The following GALNT11 variants were observed in gnomAD, a reference collection of about 807,000 sequenced individuals.
GALNT11 encodes the protein UDP-GalNAc:polypeptide N-acetylgalactosaminyltransferase 11.
In GALNT11, 47 loss-of-function variants were observed where a neutral mutation model predicts 72.7. The observed-to-expected ratio is 0.65, with a 90% CI of 0.51 to 0.82. The LOEUF (loss-of-function observed/expected upper bound fraction) is 0.82, where lower values mean the gene tolerates loss of function less well. Among genes scored for constraint, GALNT11 ranks in the 40% least tolerant of loss-of-function variants. The pLI is 0.00. For synonymous variants in GALNT11, 270 were observed against 286.6 expected, an observed-to-expected ratio of 0.94 and a Z score of 0.58; for missense variants, 677 against 778.4, an observed-to-expected ratio of 0.87 and a Z score of 1.55.
chr7:152,103,031 C>A, intron 3 of GALNT11, 81 bp from the exon 4 acceptor site: 1 of 1,275,266 alleles, frequency 7.8e-7, no homozygotes, highest in Non-Finnish European at 1.1e-6. Context: ...AACAAGGGGA[C>A]AGTAAATCTG....
intron 1 of GALNT11, among the ~76,000 whole-genome samples, chr7:152,026,662 T>G (rs544264905): frequency 6.6e-6 from 1 of 152,218 alleles, no homozygotes; most frequent in South Asian, 2.1e-4. Context: ...TGGCTATTCC[T>G]CTGCCTGCCC....
At chr7:152,055,187 C>T (rs1481522765) in intron 1 of GALNT11, among the ~76,000 whole-genome samples, 2 of 152,144 alleles carry the variant, frequency 1.3e-5, no homozygotes, top group African/African-American at 2.4e-5. Flanking sequence ...TCTTTAAAGA[C>T]TCTATCTGTA....
chr7:152,108,828 G>A (rs537316121), intron 6 of GALNT11, among the ~76,000 whole-genome samples: 5 of 151,976 alleles, frequency 3.3e-5, no homozygotes, highest in South Asian at 2.1e-4. Context: ...AATTTCTTAC[G>A]TAGATTGAAT....
chr7:152,100,560 A>T (rs2086795358), intron 2 of GALNT11, among the ~76,000 whole-genome samples: 1 of 151,260 alleles, frequency 6.6e-6, no homozygotes, highest in African/African-American at 2.4e-5. Context: ...GGGAAACTCC[A>T]TCTCAAAAAA....
intron 1 of GALNT11, among the ~76,000 whole-genome samples, chr7:152,075,442 G>A (rs553527922): frequency 6.6e-6 from 1 of 152,330 alleles, no homozygotes; most frequent in South Asian, 2.1e-4. Context: ...CCTTTCTTAT[G>A]TATCACCGGA....
In GALNT11 at chr7:152,108,266, A is replaced by G. The variant is rs771247127; in HGVS notation, c.941A>G (p.Glu314Gly). Residue 314 changes from glutamate to glycine, a missense_variant, in exon 6 of 12, where the codon GAG (glutamate) becomes GGG (glycine). Glu to Gly is a moderately conservative substitution (Grantham distance 98). Coordinates refer to ENST00000430044, the MANE Select transcript of GALNT11 (RefSeq NM_022087.4). Reference protein sequence around the residue: ...LVPLSELGRAEGATAPIKSPT... With the variant: ...LVPLSELGRAGGATAPIKSPT... ...CCCCTTTCTGAGCTAGGACGAGCGG[A>G]GGGAGCCACTGCACCAATAAAGTAA... 1 of 1,612,364 alleles carries G rather than the reference A, an allele frequency of 6.2e-7. No individual in the cohort carries two copies. The highest frequency in any genetic ancestry group is 8.5e-7 in the Non-Finnish European group (1 of 1,178,468).
chr7:152,029,504 A>T (rs2082204405), intron 1 of GALNT11, among the ~76,000 whole-genome samples: 2 of 152,232 alleles, frequency 1.3e-5, no homozygotes, highest in Admixed American at 1.3e-4. Context: ...AACTTTTAGC[A>T]AACTTTACTT....
At position 152,108,080 on chromosome 7, in the gene GALNT11, T is replaced by A. The variant is rs777519055; in HGVS notation, c.755T>A (p.Val252Glu). Residue 252 changes from valine to glutamate, a missense_variant, in exon 6 of 12, where the codon GTG (valine) becomes GAG (glutamate). Transcript: ENST00000430044. The part of the protein sequence containing the change: ...VFLDSHCEVN[V>E]MWLQPLLAAI... ...CTGGACAGCCACTGTGAAGTGAATG[T>A]GATGTGGCTGCAGCCCTTGCTGGCC... 1.2e-6 allele frequency: 2 copies of A among 1,613,742 alleles called. No homozygotes were observed. The highest frequency in any genetic ancestry group is 2.2e-5 in the South Asian group (2 of 91,054).
chr7:152,087,364 G>A (rs895703494), intron 1 of GALNT11, among the ~76,000 whole-genome samples: 7 of 152,216 alleles, frequency 4.6e-5, no homozygotes, highest in Admixed American at 4.6e-4. Context: ...GAGGAAGAGT[G>A]TTCTAGACTA....
intron 8 of GALNT11, among the ~76,000 whole-genome samples, chr7:152,114,444 A>G (rs2088618953): frequency 6.6e-6 from 1 of 152,148 alleles, no homozygotes; most frequent in South Asian, 2.1e-4. Flanking sequence ...TTTCAGGTTC[A>G]TCCGTGCCGT....
In GALNT11 at chr7:152,120,851, G is replaced by A. The variant is rs1345653627; in HGVS notation, c.1578G>A (p.Glu526=). The A allele has an allele frequency of 6.2e-7, 1 of 1,608,448 alleles. No homozygotes were observed. Among genetic ancestry groups the A allele is most frequent in the Admixed American group, 1.7e-5 (1 of 59,886 alleles). ...TCTAGATCTGGATCTATAATGAAGAGCATGAATTGGTTTTAAATAGTCTCC... is the reference window on the plus strand; with the variant it reads ...TCTAGATCTGGATCTATAATGAAGAACATGAATTGGTTTTAAATAGTCTCC... The part of the protein sequence containing the change: ...DPNQIWIYNE[E]HELVLNSLLC... The change falls in exon 11 of 12, where the codon GAG becomes GAA. Residue 526 remains glutamate (E), a synonymous_variant. Transcript: ENST00000430044.
At chr7:152,057,071 A>G (rs1176129071) in intron 1 of GALNT11, among the ~76,000 whole-genome samples, 1 of 138,806 alleles carries the variant, frequency 7.2e-6, no homozygotes, top group Non-Finnish European at 1.5e-5. Context: ...TGCCCAGGCC[A>G]GTCTTGAATT....
intron 1 of GALNT11, among the ~76,000 whole-genome samples, chr7:152,078,847 A>G (rs980084273): frequency 6.6e-6 from 1 of 152,236 alleles, no homozygotes; most frequent in African/African-American, 2.4e-5. Context: ...ACTGAGAGAT[A>G]AGAACATCTT....
chr7:152,032,638 A>C (rs1218698233), intron 1 of GALNT11, among the ~76,000 whole-genome samples: 2 of 152,142 alleles, frequency 1.3e-5, no homozygotes, highest in Admixed American at 6.5e-5. Context: ...ATTGCCTTTG[A>C]TAAGGAAATG....
intron 5 of GALNT11, 126 bp from the exon 6 acceptor site, chr7:152,107,912 C>A: frequency 8.9e-7 from 1 of 1,122,202 alleles, no homozygotes. Context: ...GCAGTTAGGC[C>A]GTCTGGGGCT....
At chr7:152,090,050 T>C (rs148316063) in intron 1 of GALNT11, among the ~76,000 whole-genome samples, 125 of 152,324 alleles carry the variant, frequency 8.2e-4, no homozygotes, top group African/African-American at 2.9e-3. Context: ...ATCATATTCT[T>C]GCTTACAAAG....
intron 8 of GALNT11, among the ~76,000 whole-genome samples, chr7:152,116,273 CAG>C (rs2088837621): frequency 6.6e-6 from 1 of 152,052 alleles, no homozygotes. Flanking sequence ...TTTTTTGAAT[CAG>C]AGTCTTACTC....
chr7:152,108,279 A>G lies in GALNT11; in HGVS notation c.954A>G (p.Ala318=). 6.2e-7 allele frequency: 1 copy of G among 1,607,910 alleles called. No homozygotes were observed. Among genetic ancestry groups the G allele is most frequent in the South Asian group, 1.1e-5 (1 of 90,946 alleles). ...SELGRAEGAT[A]PIKSPTMAGG... The stretch of plus-strand genomic sequence containing the variant: ...TAGGACGAGCGGAGGGAGCCACTGC[A>G]CCAATAAAGTAAGATCGCTCCTTTG... Residue 318 remains alanine, a synonymous_variant, in exon 6 of 12, where the codon GCA becomes GCG. Transcript: ENST00000430044.
intron 1 of GALNT11, among the ~76,000 whole-genome samples, chr7:152,031,804 C>G (rs1027645755): frequency 1.3e-5 from 2 of 152,158 alleles, no homozygotes; most frequent in Admixed American, 6.5e-5. Flanking sequence ...GCCTCTGGTT[C>G]CCATTCTACT....
Sources: gnomAD v4.1 joint callset for allele counts (sites outside exome capture counted in the v4.1 genomes callset) on GRCh38, gnomAD v4.1.1 for gene constraint, MANE v1.5 for transcripts, NCBI Gene and HGNC (gene_info 2026-07-23, HGNC 2026-07-21) for gene names.